The following NF2 variants were observed in gnomAD, a reference collection of about 807,000 sequenced individuals.
The protein encoded by NF2 is NF2, moesin-ezrin-radixin like (MERLIN) tumor suppressor, also known as merlin.
NF2 carries 8 observed loss-of-function variants against 83.7 expected under a neutral mutation model. The observed-to-expected ratio is 0.10, with a 90% CI of 0.06 to 0.17. The LOEUF (loss-of-function observed/expected upper bound fraction) is 0.17. Ranked by LOEUF, NF2 falls within the 10% of genes least tolerant of loss-of-function variation. NF2 has a pLI of 1.00. For synonymous variants in NF2, 266 were observed against 269.6 expected (o/e 0.99, Z 0.13); for missense variants, 533 against 744.4 (o/e 0.72, Z 3.31).
chr22:29,609,712 A>C (rs1365392847), intron 1 of NF2, among the ~76,000 whole-genome samples: 2 of 152,230 alleles, frequency 1.3e-5, no homozygotes, highest in Non-Finnish European at 2.9e-5. Context: ...TTTAATGATT[A>C]GTGAGTGAGA....
At chr22:29,645,214 T>C (rs926632850) in intron 4 of NF2, among the ~76,000 whole-genome samples, 11 of 152,140 alleles carry the variant, frequency 7.2e-5, no homozygotes, top group Non-Finnish European at 1.3e-4. Flanking sequence ...ATTTGATGGC[T>C]CATGTAATAT....
chr22:29,669,181 G>T (rs1036313809), intron 10 of NF2, among the ~76,000 whole-genome samples: 1 of 152,214 alleles, frequency 6.6e-6, no homozygotes, highest in African/African-American at 2.4e-5. Context: ...GGAGAGGCTG[G>T]TCCCAGCCCT....
chr22:29,678,152 G>A (rs2067020114), intron 13 of NF2, 44 bp from the exon 14 acceptor site: 11 of 1,612,126 alleles, frequency 6.8e-6, no homozygotes, highest in Non-Finnish European at 8.5e-6. Flanking sequence ...GTCCTTCTGT[G>A]CTTGTATGAC....
chr22:29,608,081 G>A (rs926406246), intron 1 of NF2, among the ~76,000 whole-genome samples: 2 of 137,934 alleles, frequency 1.4e-5, no homozygotes, highest in Non-Finnish European at 3.0e-5. Context: ...GCTGAGGCAG[G>A]AGAATTCCTT....
At chr22:29,618,260 T>C in intron 1 of NF2, among the ~76,000 whole-genome samples, 1 of 152,156 alleles carries the variant, frequency 6.6e-6, no homozygotes, top group Middle Eastern at 3.2e-3. Flanking sequence ...TGTCCATTAA[T>C]GAGCAAGGTG....
At chr22:29,678,862 C>T (rs1298944891) in intron 14 of NF2, among the ~76,000 whole-genome samples, 4 of 152,234 alleles carry the variant, frequency 2.6e-5, no homozygotes, top group African/African-American at 7.2e-5. Context: ...AATTGCTGAG[C>T]TGCCCTCCGT....
At chr22:29,646,318 A>G (rs966308400) in intron 4 of NF2, among the ~76,000 whole-genome samples, 2 of 152,192 alleles carry the variant, frequency 1.3e-5, no homozygotes, top group African/African-American at 4.8e-5. Context: ...TGGAGCTGGG[A>G]TGGGAACCCT....
chr22:29,627,951 T>C (rs1395224317), intron 1 of NF2, among the ~76,000 whole-genome samples: 1 of 152,238 alleles, frequency 6.6e-6, no homozygotes, highest in African/African-American at 2.4e-5. Context: ...AATTATGCAA[T>C]TACATTTTTA....
chr22:29,697,026 A>G lies in NF2; in HGVS notation c.*2224A>G, dbSNP rs112175950. 13,479 of 186,856 alleles carry G rather than the reference A, an allele frequency of 0.072. 538 individuals are homozygous for G. The highest frequency in any genetic ancestry group is 0.081 in the Middle Eastern group (42 of 518). 11.6% of individuals were successfully genotyped at this position (186,856 alleles called of 1,614,324 possible). A position where few individuals can be genotyped will look rare whatever the true frequency, so the allele number is the denominator to read the frequency against. ...GAGATGGGGTTTCGCCATGTTAGCC[A>G]GACTGGTCTCGAACTCCTGACCTCA... On this transcript the variant is annotated 3_prime_UTR_variant, in exon 16 of 16. Transcript: ENST00000338641.
chr22:29,610,784 A>AAAAGGAGG (rs1480205463), intron 1 of NF2, among the ~76,000 whole-genome samples: 1 of 152,206 alleles, frequency 6.6e-6, no homozygotes, highest in African/African-American at 2.4e-5. Flanking sequence ...TTCAAAAATG[A>AAAAGGAGG]AAAAGAGGAG....
Position 29,661,198 on chromosome 22 carries a change from T to G in NF2, c.676-7T>G. 1 of 1,614,218 alleles carries G rather than the reference T, an allele frequency of 6.2e-7. No individual in the cohort carries two copies. Among genetic ancestry groups the G allele is most frequent in the Non-Finnish European group, 8.5e-7 (1 of 1,180,032 alleles). The stretch of plus-strand genomic sequence containing the variant: ...GCTTACAGTAGCTGTTCTTATTGGA[T>G]CCACAGAATAAAAAGGGCACAGAGC... On this transcript the variant is annotated splice_region_variant and splice_polypyrimidine_tract_variant and intron_variant, in intron 7 of 15. Coordinates refer to ENST00000338641, the MANE Select transcript of NF2 (RefSeq NM_000268.4).
intron 4 of NF2, among the ~76,000 whole-genome samples, chr22:29,648,919 A>G (rs1231453005): frequency 2.0e-5 from 3 of 152,156 alleles, no homozygotes; most frequent in Non-Finnish European, 4.4e-5. Flanking sequence ...CTGCCGAACT[A>G]TGTTTCATAG....
At chr22:29,613,766 C>T (rs540212018) in intron 1 of NF2, among the ~76,000 whole-genome samples, 245 of 145,112 alleles carry the variant, frequency 1.7e-3, no homozygotes, top group Non-Finnish European at 2.7e-3. Flanking sequence ...TTTCTTTTTT[C>T]TTTTTTTTTT....
At chr22:29,605,284 C>A (rs545444467) in intron 1 of NF2, among the ~76,000 whole-genome samples, 1 of 152,060 alleles carries the variant, frequency 6.6e-6, no homozygotes, top group Non-Finnish European at 1.5e-5. Flanking sequence ...CCTGCTTCAG[C>A]CTTCCAGGTA....
At chr22:29,612,452 A>G (rs1417091261) in intron 1 of NF2, among the ~76,000 whole-genome samples, 1 of 151,426 alleles carries the variant, frequency 6.6e-6, no homozygotes, top group African/African-American at 2.4e-5. Flanking sequence ...CCTCCCAAGC[A>G]GCTCAGACCA....
At chr22:29,668,193 C>T in intron 9 of NF2, 140 bp from the exon 10 acceptor site, 2 of 677,086 alleles carry the variant, frequency 3.0e-6, no homozygotes, top group Admixed American at 2.1e-5. Context: ...ACTAGTAGGG[C>T]TTTGGTGTTT....
chr22:29,645,515 A>C (rs1266895369), intron 4 of NF2, among the ~76,000 whole-genome samples: 2 of 152,258 alleles, frequency 1.3e-5, no homozygotes, highest in Non-Finnish European at 2.9e-5. Flanking sequence ...AATATTAGTA[A>C]GAGGAAAAAT....
At chr22:29,608,301 C>T (rs1264401986) in intron 1 of NF2, among the ~76,000 whole-genome samples, 2 of 145,182 alleles carry the variant, frequency 1.4e-5, no homozygotes, top group Admixed American at 1.4e-4. Flanking sequence ...CTTTTTGAGA[C>T]AGAGTCTCGC....
chr22:29,665,106 T>C (rs774995001), intron 9 of NF2, 42 bp downstream of exon 9: 1 of 1,416,684 alleles, frequency 7.1e-7, no homozygotes, highest in South Asian at 1.2e-5. Context: ...AATGGTAGCT[T>C]TTCTGAGAAT....
Sources: allele counts gnomAD v4.1 joint callset (sites outside exome capture counted in the v4.1 genomes callset), GRCh38; gene constraint gnomAD v4.1.1; transcripts MANE v1.5; gene names NCBI Gene and HGNC (gene_info 2026-07-23, HGNC 2026-07-21).